The following FHOD3 variants were observed in gnomAD, a reference collection of about 807,000 sequenced individuals.
FHOD3 encodes formin homology 2 domain containing 3.
FHOD3 carries 90 observed loss-of-function variants against 173.0 expected under a neutral mutation model. The observed-to-expected ratio is 0.52, with a 90% confidence interval of 0.44 to 0.62. The LOEUF is 0.62. Among genes scored for constraint, FHOD3 ranks in the 20% least tolerant of loss-of-function variants. The probability of loss-of-function intolerance (pLI) is 0.00; values close to 1 mark genes in which losing one functional copy is unlikely to be tolerated. For synonymous variants in FHOD3, 828 were observed against 823.0 expected (o/e 1.01, Z -0.10); for missense variants, 1,945 against 2,034.7 (o/e 0.96, Z 0.85).
intron 3 of FHOD3, among the ~76,000 whole-genome samples, chr18:36,496,684 A>G (rs965692661): frequency 1.3e-5 from 2 of 152,172 alleles, no homozygotes; most frequent in African/African-American, 4.8e-5. Flanking sequence ...TGTTACTTTT[A>G]TTTCAACCAT....
intron 17 of FHOD3, among the ~76,000 whole-genome samples, chr18:36,706,581 T>C (rs1307873583): frequency 2.6e-5 from 4 of 152,220 alleles, no homozygotes; most frequent in Non-Finnish European, 5.9e-5. Flanking sequence ...GAGCCGCTGC[T>C]TGGGTAGAGT....
chr18:36,321,052 C>T (rs1340473953), intron 1 of FHOD3, among the ~76,000 whole-genome samples: 1 of 148,860 alleles, frequency 6.7e-6, no homozygotes, highest in Non-Finnish European at 1.5e-5. Context: ...TCCTTCCTTC[C>T]ACCTCTTCTC....
chr18:36,457,019 A>G (rs1173019700), intron 3 of FHOD3, among the ~76,000 whole-genome samples: 1 of 152,106 alleles, frequency 6.6e-6, no homozygotes, highest in African/African-American at 2.4e-5. Flanking sequence ...GGAAGATGTG[A>G]GAAAGGCTCT....
chr18:36,506,249 G>C (rs553235720), intron 4 of FHOD3, among the ~76,000 whole-genome samples: 1 of 152,338 alleles, frequency 6.6e-6, no homozygotes, highest in East Asian at 1.9e-4. Flanking sequence ...AGATCAATGA[G>C]GAATAAGTGT....
chr18:36,707,027 C>A (rs2039920987), intron 17 of FHOD3, among the ~76,000 whole-genome samples: 1 of 152,218 alleles, frequency 6.6e-6, no homozygotes, highest in Non-Finnish European at 1.5e-5. Flanking sequence ...AAAATTCCTT[C>A]AGTACCAAAG....
At chr18:36,368,401 A>T (rs1245805973) in intron 2 of FHOD3, among the ~76,000 whole-genome samples, 1 of 152,116 alleles carries the variant, frequency 6.6e-6, no homozygotes, top group Non-Finnish European at 1.5e-5. Flanking sequence ...TTTCTGCCTG[A>T]TATTGGCACC....
At chr18:36,544,789 C>G (rs2057353570) in intron 5 of FHOD3, 1 of 152,206 alleles carries the variant, frequency 6.6e-6, no homozygotes, top group South Asian at 2.1e-4. Flanking sequence ...TTAACATCTT[C>G]CCAGGTGTTT....
At chr18:36,568,569 A>G (rs573473972) in intron 5 of FHOD3, among the ~76,000 whole-genome samples, 26 of 151,932 alleles carry the variant, frequency 1.7e-4, no homozygotes, top group African/African-American at 5.6e-4. Context: ...TGAACAAGAT[A>G]GATACTGCCC....
rs374930813 is a variant in FHOD3, at chr18:36,649,453, C to T, written c.1286+48C>T. On this transcript the variant is annotated intron_variant, in intron 11 of 28. Coordinates refer to ENST00000590592, the MANE Select transcript of FHOD3 (RefSeq NM_001281740.3). ...AAGCTCACACTAAAAGTGGGAGACTCCTTCCTAATGATAGTTCACTGCCTT... is the reference window on the plus strand; with the variant it reads ...AAGCTCACACTAAAAGTGGGAGACTTCTTCCTAATGATAGTTCACTGCCTT... 2.1e-5 allele frequency: 30 copies of T among 1,417,530 alleles called. No homozygotes were observed. In the African/African-American group the frequency reaches 2.3e-4, roughly 11 times the overall value. 87.8% of individuals were successfully genotyped at this position (1,417,530 alleles called of 1,614,324 possible). A position where few individuals can be genotyped will look rare whatever the true frequency, so the allele number is the denominator to read the frequency against.
At chr18:36,338,858 C>T (rs886856832) in intron 1 of FHOD3, among the ~76,000 whole-genome samples, 2 of 152,094 alleles carry the variant, frequency 1.3e-5, no homozygotes, top group Admixed American at 6.5e-5. Flanking sequence ...TACCCTTAGA[C>T]CCCAGGATAT....
At chr18:36,764,119 A>G (rs1336430278) in intron 27 of FHOD3, among the ~76,000 whole-genome samples, 2 of 152,146 alleles carry the variant, frequency 1.3e-5, no homozygotes, top group Non-Finnish European at 2.9e-5. Flanking sequence ...AAGGAAAGGT[A>G]CCCTCTTCTT....
intron 24 of FHOD3, among the ~76,000 whole-genome samples, chr18:36,748,987 G>A (rs1432294501): frequency 1.4e-5 from 2 of 140,620 alleles, no homozygotes; most frequent in Non-Finnish European, 3.0e-5. Flanking sequence ...CTGAGGCACA[G>A]AAAGGACCCT....
At chr18:36,318,047 T>C (rs1427232980) in intron 1 of FHOD3, among the ~76,000 whole-genome samples, 3 of 152,232 alleles carry the variant, frequency 2.0e-5, no homozygotes, top group Non-Finnish European at 4.4e-5. Flanking sequence ...TGTGTGGTGT[T>C]ATTTCTGAGG....
intron 28 of FHOD3, 84 bp from the exon 29 acceptor site, chr18:36,779,364 T>C: frequency 8.2e-7 from 1 of 1,224,848 alleles, no homozygotes. Flanking sequence ...AAGGGGGGAC[T>C]GGAGTCTTGA....
chr18:36,450,046 T>C (rs962948727), intron 3 of FHOD3, among the ~76,000 whole-genome samples: 1 of 152,130 alleles, frequency 6.6e-6, no homozygotes, highest in Non-Finnish European at 1.5e-5. Context: ...CTGTAGCCAA[T>C]GTGTAATCTT....
At chr18:36,565,598 T>C (rs1568434234) in intron 5 of FHOD3, among the ~76,000 whole-genome samples, 1 of 152,142 alleles carries the variant, frequency 6.6e-6, no homozygotes, top group Non-Finnish European at 1.5e-5. Context: ...TGTTGCCCTG[T>C]GGTAAGTTTC....
intron 3 of FHOD3, among the ~76,000 whole-genome samples, chr18:36,414,378 A>G (rs1465011787): frequency 6.6e-6 from 1 of 152,196 alleles, no homozygotes; most frequent in Non-Finnish European, 1.5e-5. Flanking sequence ...ATCTCTTCCT[A>G]TTACTTACTG....
intron 18 of FHOD3, among the ~76,000 whole-genome samples, chr18:36,714,486 G>A (rs1052152360): frequency 5.3e-5 from 8 of 152,104 alleles, no homozygotes; most frequent in Admixed American, 3.9e-4. Flanking sequence ...GCATTGAGCC[G>A]AGATCACATC....
chr18:36,726,138 T>C lies in FHOD3; in HGVS notation c.3418-4508T>C, dbSNP rs922104403. 2.7e-5 allele frequency among the ~76,000 whole-genome samples: 4 copies of C among 150,498 alleles called. No homozygotes were observed. In the South Asian group the frequency reaches 8.3e-4, roughly 31 times the overall value. ...AGCCAATATATGTATTACTTTTATA[T>C]ATATTTTATATATGTAAATATACAT... On this transcript the variant is annotated intron_variant, in intron 19 of 28. Transcript: ENST00000590592.
Sources: allele counts gnomAD v4.1 joint callset (sites outside exome capture counted in the v4.1 genomes callset), GRCh38; gene constraint gnomAD v4.1.1; transcripts MANE v1.5; gene names NCBI Gene and HGNC (gene_info 2026-07-23, HGNC 2026-07-21).